The following SLC27A1 variants were observed in gnomAD, a reference collection of about 807,000 sequenced individuals.
SLC27A1 encodes the protein long-chain fatty acid transport protein 1.
A neutral mutation model predicts 62.2 loss-of-function variants in SLC27A1; 61 were observed. That is an observed-to-expected ratio of 0.98 (90% CI 0.80 to 1.21). SLC27A1 has a LOEUF of 1.21. Ranked by LOEUF, SLC27A1 falls within the 50% of genes most tolerant of loss-of-function variation. The pLI, the probability that SLC27A1 is intolerant of heterozygous loss-of-function variation, is 0.00. For synonymous variants in SLC27A1, 435 were observed against 408.6 expected (o/e 1.06, Z -0.78); for missense variants, 903 against 932.1 (o/e 0.97, Z 0.41).
chr19:17,497,253 A>G lies in SLC27A1; in HGVS notation c.997-2A>G. On this transcript the variant is annotated splice_acceptor_variant, in intron 6 of 11. Transcript: ENST00000252595. LOFTEE classifies it high-confidence loss of function. Reference sequence around the variant, plus strand: ...CACCCACTTCCTCACCCCGTCCCCCAGGTGGTTCAGTACATCGGGGAGATC... The same window carrying G: ...CACCCACTTCCTCACCCCGTCCCCCGGGTGGTTCAGTACATCGGGGAGATC... 1.3e-6 allele frequency: 2 copies of G among 1,589,326 alleles called. No individual in the cohort carries two copies. Among genetic ancestry groups the G allele is most frequent in the Non-Finnish European group, 1.7e-6 (2 of 1,172,242 alleles).
At chr19:17,500,194 GC>G (rs2075393890) in intron 7 of SLC27A1, 83 bp from the exon 8 acceptor site, 2 of 1,557,442 alleles carry the variant, frequency 1.3e-6, no homozygotes, top group East Asian at 4.5e-5. Context: ...CTAGGTCCAA[GC>G]CCCAGGGCAA....
Position 17,486,725 on chromosome 19 carries a change from C to G in SLC27A1, c.330C>G (p.Asp110Glu), listed in dbSNP as rs2075234601. The G allele has an allele frequency of 6.2e-7, 1 of 1,612,100 alleles. No homozygotes were observed. The highest frequency in any genetic ancestry group is 1.1e-5 in the South Asian group (1 of 91,034). Residue 110 changes from aspartate to glutamate, a missense_variant, in exon 2 of 12, where the codon GAC becomes GAG. By Grantham distance (45) the Asp-to-Glu change is conservative. Coordinates refer to ENST00000252595, the MANE Select transcript of SLC27A1 (RefSeq NM_198580.3). This position sits in a 1 kb window ranked among gnomAD's most constrained non-coding sequence, Gnocchi z 6.6. ...TGECWTFAQL[D>E]AYSNAVANLF... The stretch of plus-strand genomic sequence containing the variant: ...AGTGCTGGACCTTTGCGCAGCTGGA[C>G]GCCTACTCCAATGCGGTAGCCAACC...
chr19:17,501,300 C>T lies in SLC27A1; in HGVS notation c.1664C>T (p.Ala555Val), dbSNP rs749914610. 2 of 1,613,502 alleles carry T rather than the reference C, an allele frequency of 1.2e-6. No individual in the cohort carries two copies. Among genetic ancestry groups the T allele is most frequent in the Non-Finnish European group, 1.7e-6 (2 of 1,179,938 alleles). ...GTGGAGGGTAAGGCAGGGATGGCGG[C>T]CGTCGCAGACCCCCACAGCCTGCTG... ...PGVEGKAGMA[A>V]VADPHSLLDP... The change falls in exon 11 of 12, where the codon GCC becomes GTC. Residue 555 changes from alanine to valine, a missense_variant. Transcript: ENST00000252595.
rs200863170 is a variant in SLC27A1 at position 17,496,331 on chromosome 19, G to A, written c.997-924G>A. The A allele has an allele frequency of 1.1e-4, 16 of 152,280 alleles. No individual in the cohort carries two copies. The East Asian group carries it at 1.7e-3, about 17-fold the overall frequency. The allele number at this position is 152,280 out of a possible 1,614,324, so 9.4% of individuals were successfully genotyped here. A position where few individuals can be genotyped will look rare whatever the true frequency, so the allele number is the denominator to read the frequency against. ...GGGGAGTCATTCCGAAGCCCAACTG[G>A]AGATGAGAACTCTTAAAGGCACCGT... On this transcript the variant is annotated intron_variant, in intron 6 of 11. Coordinates refer to ENST00000252595, the MANE Select transcript of SLC27A1 (RefSeq NM_198580.3).
chr19:17,479,396 G>A (rs557294332), intron 1 of SLC27A1, among the ~76,000 whole-genome samples: 44 of 152,226 alleles, frequency 2.9e-4, no homozygotes, highest in African/African-American at 9.2e-4. Context: ...TTTGAGCCCC[G>A]TTAGTCATCA....
At chr19:17,477,893 A>G (rs1472806130) in intron 1 of SLC27A1, among the ~76,000 whole-genome samples, 1 of 151,824 alleles carries the variant, frequency 6.6e-6, no homozygotes, top group Non-Finnish European at 1.5e-5. Flanking sequence ...AATTATTTTA[A>G]CATAGAGATG....
At chr19:17,487,554 C>T in intron 4 of SLC27A1, 25 bp downstream of exon 4, 1 of 1,606,894 alleles carries the variant, frequency 6.2e-7, no homozygotes, top group Non-Finnish European at 8.5e-7. Context: ...GGCATAATGC[C>T]CTCAGCCGCT....
chr19:17,479,801 G>A (rs1410100853), intron 1 of SLC27A1, among the ~76,000 whole-genome samples: 3 of 151,872 alleles, frequency 2.0e-5, no homozygotes, highest in Admixed American at 6.6e-5. Context: ...CCACCACCAC[G>A]CACGGCTAAT....
intron 1 of SLC27A1, among the ~76,000 whole-genome samples, chr19:17,481,262 G>T (rs1396761381): frequency 1.3e-5 from 2 of 150,926 alleles, no homozygotes; most frequent in African/African-American, 4.9e-5. Context: ...TTTGCTCAGG[G>T]TCATGGCCTC....
upstream of SLC27A1, among the ~76,000 whole-genome samples, chr19:17,469,608 T>C (rs1318716296): frequency 2.6e-5 from 4 of 151,868 alleles, no homozygotes; most frequent in African/African-American, 9.7e-5. Flanking sequence ...TCTTTGGCCG[T>C]CGCCTCTCCG....
chr19:17,500,097 G>C (rs1475697759), intron 7 of SLC27A1, 181 bp from the exon 8 acceptor site: 1 of 921,974 alleles, frequency 1.1e-6, no homozygotes, highest in Non-Finnish European at 1.6e-6. Context: ...GAAGGTGGGA[G>C]GAGGGGCCCT....
chr19:17,487,950 T>A (rs2075254308), intron 4 of SLC27A1, among the ~76,000 whole-genome samples: 1 of 150,772 alleles, frequency 6.6e-6, no homozygotes, highest in African/African-American at 2.4e-5. Context: ...CCCCCCACTC[T>A]CTCCTCCACC....
chr19:17,497,661 C>T, intron 7 of SLC27A1, 197 bp downstream of exon 7: 2 of 636,884 alleles, frequency 3.1e-6, no homozygotes, highest in Non-Finnish European at 2.8e-6. Context: ...GCAGCCTGCA[C>T]AGATAGTCAT....
At chr19:17,472,411 ATAGAAT>A (rs2075085746) in intron 1 of SLC27A1, among the ~76,000 whole-genome samples, 1 of 150,978 alleles carries the variant, frequency 6.6e-6, no homozygotes, top group Admixed American at 6.6e-5. Flanking sequence ...AAAAAAAAAA[ATAGAAT>A]TAGAATTGAG....
chr19:17,470,396 G>A, upstream of SLC27A1: 2 of 1,001,754 alleles, frequency 2.0e-6, no homozygotes, highest in African/African-American at 3.5e-5. Context: ...GTCTGACTCG[G>A]AGCGCGTTCC....
Position 17,501,363 on chromosome 19 carries a change from T to G in SLC27A1, c.1727T>G (p.Leu576Arg). 6.2e-7 allele frequency: 1 copy of G among 1,613,970 alleles called. No homozygotes were observed. Among genetic ancestry groups the G allele is most frequent in the Non-Finnish European group, 8.5e-7 (1 of 1,179,970 alleles). ...ATATACCAGGAGCTGCAGAAGGTGC[T>G]GGCACCCTATGCCCGGCCCATCTTC... ...NAIYQELQKV[L>R]APYARPIFLR... The change falls in exon 11 of 12, where the codon CTG becomes CGG. Residue 576 changes from leucine (L) to arginine (R), a missense_variant. Physicochemically the swap from Leu to Arg is moderately radical, Grantham distance 102 (BLOSUM62 -2). Coordinates refer to ENST00000252595, the MANE Select transcript of SLC27A1 (RefSeq NM_198580.3).
chr19:17,485,659 G>A (rs1005562445), intron 1 of SLC27A1, among the ~76,000 whole-genome samples: 2 of 151,404 alleles, frequency 1.3e-5, no homozygotes, highest in East Asian at 2.0e-4. Context: ...ATGAAACCCC[G>A]TCTCTACTAA....
chr19:17,478,688 T>C (rs2075147773), intron 1 of SLC27A1, among the ~76,000 whole-genome samples: 1 of 149,794 alleles, frequency 6.7e-6, no homozygotes, highest in East Asian at 2.0e-4. Context: ...CGAAACCCCA[T>C]CTCTACAAAA....
At position 17,470,679 on chromosome 19, in the gene SLC27A1, G is replaced by A. The variant is rs773970070; in HGVS notation, c.139G>A (p.Val47Ile). Residue 47 changes from valine (V) to isoleucine (I), a missense_variant, in exon 1 of 12, where the codon GTC (valine) becomes ATC (isoleucine). Transcript: ENST00000252595. ...GSGGWRFLRI[V>I]CKTARRDLFG... ...CGGCGGCTGGCGCTTCCTGCGCATC[G>A]TCTGCAAGACCGCGAGGCGAGACCT... The A allele has an allele frequency of 7.0e-6, 11 of 1,582,304 alleles. No homozygotes were observed. The South Asian group carries it at 1.1e-4, about 16-fold the overall frequency.
Sources: gnomAD v4.1 joint callset for allele counts (sites outside exome capture counted in the v4.1 genomes callset) on GRCh38, gnomAD v4.1.1 for gene constraint, Gnocchi (gnomAD v3.1) non-coding constraint, MANE v1.5 for transcripts, NCBI Gene and HGNC (gene_info 2026-07-23, HGNC 2026-07-21) for gene names.